The following CSMD1 variants were observed in gnomAD, a reference collection of about 807,000 sequenced individuals.
CSMD1 encodes the protein CUB and Sushi multiple domains 1.
A neutral mutation model predicts 417.5 loss-of-function variants in CSMD1; 213 were observed. The observed-to-expected ratio is 0.51, with a 90% CI of 0.46 to 0.57. The LOEUF (loss-of-function observed/expected upper bound fraction) is 0.57, where lower values mean the gene tolerates loss of function less well. CSMD1 is among the 20% of genes least tolerant of loss of function. The probability of loss-of-function intolerance (pLI) is 0.00; values close to 1 mark genes in which losing one functional copy is unlikely to be tolerated. For missense variants in CSMD1, 6,923 were observed against 4,529.7 expected, an observed-to-expected ratio of 1.53 and a Z score of -15.17; for synonymous variants, 2,862 against 1,736.8, an observed-to-expected ratio of 1.65 and a Z score of -16.11.
intron 1 of CSMD1, among the ~76,000 whole-genome samples, chr8:4,914,147 G>C (rs534859905): frequency 1.3e-5 from 2 of 152,280 alleles, no homozygotes; most frequent in African/African-American, 4.8e-5. Flanking sequence ...TTTCTGAAAA[G>C]TGCATATAAA....
chr8:4,209,565 G>A (rs186609758), intron 3 of CSMD1, among the ~76,000 whole-genome samples: 2 of 152,256 alleles, frequency 1.3e-5, no homozygotes, highest in South Asian at 4.1e-4. Context: ...TGCCTCTTCT[G>A]GCATTTGTCC....
At chr8:4,356,716 A>G (rs906106245) in intron 3 of CSMD1, among the ~76,000 whole-genome samples, 1 of 152,042 alleles carries the variant, frequency 6.6e-6, no homozygotes, top group Non-Finnish European at 1.5e-5. Flanking sequence ...GTGCTCTCCA[A>G]TGGAGAGGTA....
intron 2 of CSMD1, among the ~76,000 whole-genome samples, chr8:4,579,389 G>C (rs774389597): frequency 9.9e-5 from 15 of 151,566 alleles, no homozygotes; most frequent in African/African-American, 3.1e-4. Context: ...ACAGAATTTT[G>C]CTCTCATCCT....
At chr8:4,070,637 G>C (rs1031221451) in intron 3 of CSMD1, among the ~76,000 whole-genome samples, 1 of 152,058 alleles carries the variant, frequency 6.6e-6, no homozygotes, top group South Asian at 2.1e-4. Context: ...GATTACAGGC[G>C]TGAGCCACCG....
At chr8:3,738,572 G>A (rs377372377) in intron 6 of CSMD1, among the ~76,000 whole-genome samples, 79 of 152,274 alleles carry the variant, frequency 5.2e-4, no homozygotes, top group African/African-American at 9.6e-4. Flanking sequence ...AGGGCTCTGT[G>A]CTCTTGTCAC....
At chr8:4,207,705 C>A (rs1410865147) in intron 3 of CSMD1, among the ~76,000 whole-genome samples, 1 of 152,016 alleles carries the variant, frequency 6.6e-6, no homozygotes, top group Non-Finnish European at 1.5e-5. Context: ...AAACATTTTT[C>A]TGATGAGTGT....
At chr8:4,442,019 C>T (rs900136975) in intron 2 of CSMD1, among the ~76,000 whole-genome samples, 1 of 152,082 alleles carries the variant, frequency 6.6e-6, no homozygotes, top group Non-Finnish European at 1.5e-5. Context: ...ATTTCTATGT[C>T]CCCCCGCTTT....
At chr8:4,234,143 C>A (rs1263391585) in intron 3 of CSMD1, among the ~76,000 whole-genome samples, 1 of 152,160 alleles carries the variant, frequency 6.6e-6, no homozygotes, top group African/African-American at 2.4e-5. Flanking sequence ...GATTATTCTT[C>A]ATAGGACTGA....
At chr8:4,683,924 C>T (rs1806208061) in intron 1 of CSMD1, among the ~76,000 whole-genome samples, 1 of 152,158 alleles carries the variant, frequency 6.6e-6, no homozygotes, top group Non-Finnish European at 1.5e-5. Flanking sequence ...AGCAGCATGT[C>T]ATATACAAGA....
At chr8:3,641,183 C>A (rs1797288959) in intron 7 of CSMD1, among the ~76,000 whole-genome samples, 1 of 152,024 alleles carries the variant, frequency 6.6e-6, no homozygotes, top group Non-Finnish European at 1.5e-5. Flanking sequence ...AATGGGTGAT[C>A]ACTTGACTGG....
chr8:3,205,699 C>A lies in CSMD1; in HGVS notation c.4868-79G>T. 3 of 597,258 alleles carry A rather than the reference C, an allele frequency of 5.0e-6. No individual in the cohort carries two copies. In the South Asian group the frequency reaches 6.7e-5, roughly 13 times the overall value. The allele number at this position is 597,258 out of a possible 1,614,324, so 37.0% of individuals were successfully genotyped here. On this transcript the variant is annotated intron_variant, in intron 30 of 69. Transcript: ENST00000635120. ...TAGGTGAGCCAAAGCTGAAACACATCAAACACGTGAGCACGTTTATTGAAA... is the reference window on the plus strand; with the variant it reads ...TAGGTGAGCCAAAGCTGAAACACATAAAACACGTGAGCACGTTTATTGAAA...
At chr8:3,220,914 G>C (rs978048259) in intron 28 of CSMD1, among the ~76,000 whole-genome samples, 4 of 152,072 alleles carry the variant, frequency 2.6e-5, no homozygotes, top group Non-Finnish European at 5.9e-5. Context: ...CTCTATAGCA[G>C]GTTTTTCATA....
intron 5 of CSMD1, among the ~76,000 whole-genome samples, chr8:3,789,571 T>G (rs1265960615): frequency 6.6e-6 from 1 of 151,798 alleles, no homozygotes; most frequent in Non-Finnish European, 1.5e-5. Context: ...TTCACTCACT[T>G]GCTAAATAAA....
intron 3 of CSMD1, among the ~76,000 whole-genome samples, chr8:4,383,334 A>G (rs1393794442): frequency 6.6e-6 from 1 of 152,188 alleles, no homozygotes. Flanking sequence ...TGAGTCAAAG[A>G]AGATTTTATG....
At chr8:3,703,184 T>C (rs1430651127) in intron 7 of CSMD1, among the ~76,000 whole-genome samples, 3 of 152,338 alleles carry the variant, frequency 2.0e-5, no homozygotes, top group Middle Eastern at 3.4e-3. Context: ...ACACTTAATG[T>C]TGAGAGTCGC....
intron 3 of CSMD1, among the ~76,000 whole-genome samples, chr8:4,245,455 C>T (rs150349333): frequency 3.9e-5 from 6 of 152,200 alleles, no homozygotes; most frequent in East Asian, 3.9e-4. Flanking sequence ...AACACAATCA[C>T]GAGACACCCA....
chr8:4,649,424 TG>T (rs1286940583), intron 1 of CSMD1, among the ~76,000 whole-genome samples: 1 of 152,184 alleles, frequency 6.6e-6, no homozygotes, highest in Non-Finnish European at 1.5e-5. Context: ...ATTTTACTGA[TG>T]AGAAAAACTA....
intron 5 of CSMD1, among the ~76,000 whole-genome samples, chr8:3,776,807 G>GAGATATATATATAT (rs1554432748): frequency 7.1e-6 from 1 of 139,938 alleles, no homozygotes; most frequent in Non-Finnish European, 1.5e-5. Context: ...ATATAGACGA[G>GAGATATATATATAT]ATATATATAT....
chr8:4,186,042 G>C (rs927467621), intron 3 of CSMD1, among the ~76,000 whole-genome samples: 1 of 152,094 alleles, frequency 6.6e-6, no homozygotes, highest in African/African-American at 2.4e-5. Flanking sequence ...ATAGTGCCTG[G>C]GTGGGCCTGG....
Sources: gnomAD v4.1 joint callset for allele counts (sites outside exome capture counted in the v4.1 genomes callset) on GRCh38, gnomAD v4.1.1 for gene constraint, MANE v1.5 for transcripts, NCBI Gene and HGNC (gene_info 2026-07-23, HGNC 2026-07-21) for gene names.